PDE11A: variants seen among roughly 807,000 people sequenced by gnomAD.
PDE11A encodes the protein dual 3',5'-cyclic-AMP and -GMP phosphodiesterase 11A.
In PDE11A, 100 loss-of-function variants were observed where a neutral mutation model predicts 100.5. The ratio of observed to expected loss-of-function variants is 1.00; its 90% CI spans 0.85 to 1.18. The LOEUF (loss-of-function observed/expected upper bound fraction) is 1.18, where lower values mean the gene tolerates loss of function less well. Ranked by LOEUF, PDE11A falls within the 50% of genes most tolerant of loss-of-function variation. The probability of loss-of-function intolerance (pLI) is 0.00; values close to 1 mark genes in which losing one functional copy is unlikely to be tolerated. For synonymous variants in PDE11A, 381 were observed against 420.8 expected, an observed-to-expected ratio of 0.91 and a Z score of 1.16; for missense variants, 1,141 against 1,152.6, an observed-to-expected ratio of 0.99 and a Z score of 0.15.
chr2:177,945,347 C>A (rs1398986458), intron 2 of PDE11A, among the ~76,000 whole-genome samples: 9 of 146,960 alleles, frequency 6.1e-5, no homozygotes, highest in African/African-American at 2.2e-4. Flanking sequence ...GCGTCTCCGC[C>A]CGGCCGCCAT....
chr2:178,022,881 C>T (rs114149226), intron 1 of PDE11A, among the ~76,000 whole-genome samples: 443 of 152,246 alleles, frequency 2.9e-3, no homozygotes, highest in African/African-American at 0.01. Context: ...TAGACTCTTA[C>T]CGCTTTGAGT....
chr2:178,008,217 T>C (rs2086235178), intron 2 of PDE11A, among the ~76,000 whole-genome samples: 1 of 152,212 alleles, frequency 6.6e-6, no homozygotes, highest in African/African-American at 2.4e-5. Context: ...CCACTATTCA[T>C]GTACATAACA....
chr2:178,099,295 G>A (rs376277952), intron 2 of PDE11A, among the ~76,000 whole-genome samples: 7 of 151,694 alleles, frequency 4.6e-5, no homozygotes, highest in Non-Finnish European at 8.8e-5. Context: ...AAAATTAGCC[G>A]CATGTGGTGG....
At chr2:177,637,294 T>C (rs1559120245) in intron 19 of PDE11A, among the ~76,000 whole-genome samples, 1 of 152,132 alleles carries the variant, frequency 6.6e-6, no homozygotes, top group Non-Finnish European at 1.5e-5. Flanking sequence ...CTCTAATGCA[T>C]TGTGTAAAAA....
intron 9 of PDE11A, among the ~76,000 whole-genome samples, chr2:177,799,126 C>T (rs1243532793): frequency 1.3e-5 from 2 of 152,082 alleles, no homozygotes; most frequent in Non-Finnish European, 2.9e-5. Flanking sequence ...GAGGGAAACT[C>T]TACAAAATAC....
At chr2:177,895,275 G>A (rs1029160199) in intron 4 of PDE11A, among the ~76,000 whole-genome samples, 11 of 152,108 alleles carry the variant, frequency 7.2e-5, no homozygotes, top group Non-Finnish European at 1.3e-4. Flanking sequence ...ATTCTGGGCC[G>A]GGTGCTGTGG....
chr2:177,630,973 T>C (rs992063257), intron 19 of PDE11A, among the ~76,000 whole-genome samples: 5 of 152,160 alleles, frequency 3.3e-5, no homozygotes, highest in African/African-American at 1.2e-4. Context: ...ATACCTTTTC[T>C]TCCCTTCACA....
At chr2:177,736,735 A>T (rs536734685) in intron 10 of PDE11A, among the ~76,000 whole-genome samples, 2 of 152,284 alleles carry the variant, frequency 1.3e-5, no homozygotes, top group African/African-American at 4.8e-5. Context: ...CAGTTGAATC[A>T]GAATCCATGG....
chr2:177,662,632 T>A (rs1323238482), intron 19 of PDE11A, among the ~76,000 whole-genome samples: 7 of 152,190 alleles, frequency 4.6e-5, no homozygotes, highest in Non-Finnish European at 4.4e-5. Context: ...TATACATCAT[T>A]TTCTATTTTG....
In PDE11A at chr2:177,624,335, C is replaced by G. The variant is rs2079802862; in HGVS notation, c.*5072G>C. ...CTAGTATGTCTAGGTTTCTGTCCCA[C>G]TGGAAGGAAATTGTTTCACACTATT... is the stretch of plus-strand genomic sequence containing the variant. On this transcript the variant is annotated 3_prime_UTR_variant, in exon 20 of 20. Transcript: ENST00000286063. 6.6e-6 allele frequency: 1 copy of G among 151,234 alleles called. No individual in the cohort carries two copies. Among genetic ancestry groups the G allele is most frequent in the Admixed American group, 6.6e-5 (1 of 15,200 alleles). The allele number at this position is 151,234 out of a possible 1,614,324, so 9.4% of individuals were successfully genotyped here.
chr2:177,918,881 A>G (rs942426885), intron 2 of PDE11A, among the ~76,000 whole-genome samples: 1 of 152,186 alleles, frequency 6.6e-6, no homozygotes, highest in African/African-American at 2.4e-5. Context: ...AAATGGCTTC[A>G]TAGGCAAATT....
intron 1 of PDE11A, among the ~76,000 whole-genome samples, chr2:178,025,543 A>T (rs2086467930): frequency 6.6e-6 from 1 of 152,218 alleles, no homozygotes; most frequent in African/African-American, 2.4e-5. Flanking sequence ...TCTCTTTATT[A>T]CAATAAATAC....
At chr2:177,835,427 G>C (rs74267462) in intron 6 of PDE11A, among the ~76,000 whole-genome samples, 1 of 152,084 alleles carries the variant, frequency 6.6e-6, no homozygotes, top group Non-Finnish European at 1.5e-5. Context: ...TACTCCCCTC[G>C]GATGCATCCT....
At chr2:178,061,212 A>G (rs188480759) in intron 1 of PDE11A, among the ~76,000 whole-genome samples, 149 of 152,106 alleles carry the variant, frequency 9.8e-4, no homozygotes, top group South Asian at 6.2e-3. Context: ...AAATTATCCT[A>G]TATCAGTTGT....
chr2:178,080,433 T>C (rs1324871280), intron 2 of PDE11A, among the ~76,000 whole-genome samples: 1 of 152,206 alleles, frequency 6.6e-6, no homozygotes, highest in Non-Finnish European at 1.5e-5. Context: ...TTTTGTCAGG[T>C]TTGTCAAAGA....
intron 2 of PDE11A, among the ~76,000 whole-genome samples, chr2:177,984,820 T>A (rs563955566): frequency 6.6e-6 from 1 of 152,288 alleles, no homozygotes; most frequent in Non-Finnish European, 1.5e-5. Flanking sequence ...CAGAGCTAAG[T>A]TTTGAATTCA....
At chr2:178,097,386 A>C (rs2087507564) in intron 2 of PDE11A, among the ~76,000 whole-genome samples, 1 of 152,224 alleles carries the variant, frequency 6.6e-6, no homozygotes, top group Non-Finnish European at 1.5e-5. Flanking sequence ...ATGAAGGGGA[A>C]GCAAGGTACC....
chr2:178,070,819 C>G (rs2087116997), intron 1 of PDE11A, among the ~76,000 whole-genome samples: 1 of 152,086 alleles, frequency 6.6e-6, no homozygotes, highest in African/African-American at 2.4e-5. Context: ...CCTACTTGCT[C>G]AGTCCTATCA....
At chr2:177,946,140 T>C (rs1192394632) in intron 2 of PDE11A, among the ~76,000 whole-genome samples, 200 of 72,840 alleles carry the variant, frequency 2.7e-3, no homozygotes, top group South Asian at 3.3e-3. Context: ...CCGCCCCGTC[T>C]GGGAGGTGAG....
Sources: allele counts gnomAD v4.1 joint callset (sites outside exome capture counted in the v4.1 genomes callset), GRCh38; gene constraint gnomAD v4.1.1; transcripts MANE v1.5; gene names NCBI Gene and HGNC (gene_info 2026-07-23, HGNC 2026-07-21).